The following ENO1 variants were observed in gnomAD, a reference collection of about 807,000 sequenced individuals.
ENO1 encodes alpha-enolase.
Under a neutral mutation model 46.3 loss-of-function variants are expected in ENO1, and 33 were observed. That is an observed-to-expected ratio of 0.71 (90% CI 0.54 to 0.95). ENO1 has a LOEUF of 0.95. Among genes scored for constraint, ENO1 ranks in the 40% least tolerant of loss-of-function variants. ENO1 has a pLI of 0.00. For missense variants in ENO1, 488 were observed against 553.3 expected, an observed-to-expected ratio of 0.88 and a Z score of 1.18; for synonymous variants, 220 against 216.0, an observed-to-expected ratio of 1.02 and a Z score of -0.16.
At chr1:8,871,014 TCTTCCA>T (rs1309042555) in intron 3 of ENO1, 1 of 1,241,620 alleles carries the variant, frequency 8.1e-7, no homozygotes, top group Admixed American at 3.8e-5. Context: ...ATGCGTTCAA[TCTTCCA>T]CAAATGCTTA....
chr1:8,861,510 G>A (rs977132248), intron 11 of ENO1, 81 bp from the exon 12 acceptor site: 51 of 1,469,096 alleles, frequency 3.5e-5, no homozygotes, highest in Non-Finnish European at 4.6e-5. Context: ...CATCCTAGAT[G>A]TGGTCAAAGA....
At chr1:8,865,689 GCT>G (rs1281284466) in intron 7 of ENO1, among the ~76,000 whole-genome samples, 4 of 152,144 alleles carry the variant, frequency 2.6e-5, no homozygotes, top group South Asian at 2.1e-4. Flanking sequence ...GGGAAATTCA[GCT>G]CTCTTTCCAA....
At chr1:8,868,816 G>C (rs1642574701) in intron 4 of ENO1, among the ~76,000 whole-genome samples, 1 of 151,990 alleles carries the variant, frequency 6.6e-6, no homozygotes, top group Non-Finnish European at 1.5e-5. Context: ...TGGGACTATA[G>C]GCATGCACCA....
Position 8,861,374 on chromosome 1 carries a change from G to T in ENO1, c.1291C>A (p.Pro431Thr), listed in dbSNP as rs1334268903. The stretch of plus-strand genomic sequence containing the variant: ...CTGCCCACAGCTTACTTGGCCAAGG[G>T]GTTTCTGAAGTTCCTGCCGGCAAAC... ...AKFAGRNFRN[P>T]LAK is the part of the protein sequence containing the mutation. The change falls in exon 12 of 12, where the codon CCC becomes ACC. Residue 431 changes from proline to threonine, a missense_variant. Pro to Thr is a conservative substitution (Grantham distance 38). Transcript: ENST00000234590. 1.9e-6 allele frequency: 3 copies of T among 1,613,864 alleles called. No homozygotes were observed. Among genetic ancestry groups the T allele is most frequent in the African/African-American group, 2.7e-5 (2 of 74,896 alleles).
rs980842028 is a variant in ENO1 at position 8,871,709 on chromosome 1, T to C, written c.181+182A>G. Reference sequence around the variant, plus strand: ...GCATGCAGGCTCGGGAACCCCGGAATCCACACACCAACTTTCCTGTCCACA... The same window carrying C: ...GCATGCAGGCTCGGGAACCCCGGAACCCACACACCAACTTTCCTGTCCACA... On this transcript the variant is annotated intron_variant, in intron 3 of 11. Transcript: ENST00000234590. The C allele has an allele frequency of 3.9e-6, 5 of 1,289,956 alleles. No individual in the cohort carries two copies. The African/African-American group carries it at 4.5e-5, about 12-fold the overall frequency. 79.9% of individuals were successfully genotyped at this position (1,289,956 alleles called of 1,614,324 possible).
At chr1:8,872,595 C>A (rs1319916061) in intron 2 of ENO1, among the ~76,000 whole-genome samples, 2 of 152,104 alleles carry the variant, frequency 1.3e-5, no homozygotes, top group Non-Finnish European at 2.9e-5. Flanking sequence ...GTTGGCCAGG[C>A]TGGTCTTGAA....
intron 4 of ENO1, 84 bp from the exon 5 acceptor site, chr1:8,868,141 G>C: frequency 9.9e-7 from 1 of 1,012,424 alleles, no homozygotes; most frequent in Non-Finnish European, 1.5e-6. Flanking sequence ...TCTGACTTTG[G>C]AACTGTGTAA....
In ENO1 at chr1:8,867,117, C is replaced by G. The variant is rs1320568706; in HGVS notation, c.444G>C (p.Pro148=). 3 of 1,612,768 alleles carry G rather than the reference C, an allele frequency of 1.9e-6. No homozygotes were observed. The highest frequency in any genetic ancestry group is 2.2e-5 in the East Asian group (1 of 44,838). ...AGNSEVILPV[P]AFNVINGGSH... is the part of the protein sequence containing the mutation. Reference sequence around the variant, plus strand: ...TGGGAAGTTCCAATAAACCACTCACCGGGACTGGCAGGATGACTTCAGAGT... The same window carrying G: ...TGGGAAGTTCCAATAAACCACTCACGGGGACTGGCAGGATGACTTCAGAGT... The change falls in exon 6 of 12, where the codon CCG becomes CCC. Residue 148 remains proline, a splice_region_variant and synonymous_variant. Transcript: ENST00000234590.
At chr1:8,876,671 G>T (rs1642738641) in intron 1 of ENO1, among the ~76,000 whole-genome samples, 1 of 152,084 alleles carries the variant, frequency 6.6e-6, no homozygotes, top group African/African-American at 2.4e-5. Flanking sequence ...GCCGAGGAGG[G>T]TGGATCACGA....
At chr1:8,865,980 C>G (rs568934493) in intron 7 of ENO1, 2 of 351,306 alleles carry the variant, frequency 5.7e-6, no homozygotes, top group African/African-American at 4.4e-5. Context: ...CTTGGCTCCC[C>G]AAACTAGTAG....
chr1:8,876,458 T>C (rs958055466), intron 1 of ENO1, among the ~76,000 whole-genome samples: 8 of 152,226 alleles, frequency 5.3e-5, no homozygotes, highest in Non-Finnish European at 5.9e-5. Context: ...TGCAAAAAGT[T>C]ATCTCAGGCC....
chr1:8,873,490 G>C (rs6660449), intron 2 of ENO1, among the ~76,000 whole-genome samples: 2,376 of 152,254 alleles, frequency 0.016, 56 homozygotes, highest in African/African-American at 0.055. Flanking sequence ...GTCTTTTGTT[G>C]CTTAAAGTTC....
chr1:8,861,896 A>AAAAAAAG (rs1430360419), intron 11 of ENO1, among the ~76,000 whole-genome samples: 20 of 151,288 alleles, frequency 1.3e-4, no homozygotes, highest in African/African-American at 4.9e-4. Context: ...AAAAAAAAAA[A>AAAAAAAG]AAAAAGGCCA....
intron 10 of ENO1, 60 bp from the exon 11 acceptor site, chr1:8,863,005 G>A: frequency 1.3e-6 from 2 of 1,593,704 alleles, no homozygotes; most frequent in East Asian, 2.2e-5. Flanking sequence ...ATTTCTGGCA[G>A]GGAGAGGGTG....
At position 8,870,501 on chromosome 1, in the gene ENO1, T is replaced by G; in HGVS notation, c.191A>C (p.Lys64Thr). The change falls in exon 4 of 12, where the codon AAG becomes ACG. Residue 64 changes from lysine (K) to threonine (T), a missense_variant. Coordinates refer to ENST00000234590, the MANE Select transcript of ENO1 (RefSeq NM_001428.5). ...KTRYMGKGVS[K>T]AVEHINKTIA... ...AGTTTTATTGATGTGCTCAACAGCC[T>G]TTGAGACACCTGGAAGGAACAATCA... is the stretch of plus-strand genomic sequence containing the variant. The G allele has an allele frequency of 6.2e-7, 1 of 1,614,188 alleles. No individual in the cohort carries two copies. The highest frequency in any genetic ancestry group is 8.5e-7 in the Non-Finnish European group (1 of 1,180,022).
At chr1:8,861,505 T>C (rs1272749174) in intron 11 of ENO1, 76 bp from the exon 12 acceptor site, 1 of 1,506,190 alleles carries the variant, frequency 6.6e-7, no homozygotes, top group Non-Finnish European at 9.2e-7. Context: ...TTTCCCATCC[T>C]AGATGTGGTC....
rs1282500443 is a variant in ENO1, at chr1:8,867,104, A to G, written c.444+13T>C. ...CCAACTCCTTGCTTGGGAAGTTCCAATAAACCACTCACCGGGACTGGCAGG... is the reference window on the plus strand; with the variant it reads ...CCAACTCCTTGCTTGGGAAGTTCCAGTAAACCACTCACCGGGACTGGCAGG... On this transcript the variant is annotated intron_variant, in intron 6 of 11. Transcript: ENST00000234590. 3.7e-6 allele frequency: 6 copies of G among 1,610,388 alleles called. No homozygotes were observed. Among genetic ancestry groups the G allele is most frequent in the Admixed American group, 1.7e-5 (1 of 59,878 alleles).
intron 3 of ENO1, chr1:8,871,631 G>T: frequency 7.9e-7 from 1 of 1,270,896 alleles, no homozygotes; most frequent in Non-Finnish European, 1.0e-6. Flanking sequence ...GGAGTATTTC[G>T]CAGATTGGGA....
chr1:8,870,526 A>G lies in ENO1; in HGVS notation c.182-16T>C. Reference sequence around the variant, plus strand: ...TTTGAGACACCTGGAAGGAACAATCAAATCAAATTACTGACATTAACTTTA... The same window carrying G: ...TTTGAGACACCTGGAAGGAACAATCGAATCAAATTACTGACATTAACTTTA... On this transcript the variant is annotated splice_polypyrimidine_tract_variant and intron_variant, in intron 3 of 11. Coordinates refer to ENST00000234590, the MANE Select transcript of ENO1 (RefSeq NM_001428.5). The G allele has an allele frequency of 6.2e-7, 1 of 1,614,164 alleles. No individual in the cohort carries two copies. The highest frequency in any genetic ancestry group is 8.5e-7 in the Non-Finnish European group (1 of 1,180,030).
Sources: gnomAD v4.1 joint callset for allele counts (sites outside exome capture counted in the v4.1 genomes callset) on GRCh38, gnomAD v4.1.1 for gene constraint, MANE v1.5 for transcripts, NCBI Gene and HGNC (gene_info 2026-07-23, HGNC 2026-07-21) for gene names.